CALCR: variants seen among roughly 807,000 people sequenced by gnomAD.
The protein encoded by CALCR is calcitonin receptor.
A neutral mutation model predicts 59.5 loss-of-function variants in CALCR; 47 were observed. That is an observed-to-expected ratio of 0.79 (90% CI 0.63 to 1.01). The LOEUF (loss-of-function observed/expected upper bound fraction) is 1.01, where lower values mean the gene tolerates loss of function less well. CALCR is among the 50% of genes least tolerant of loss of function. The pLI, the probability that CALCR is intolerant of heterozygous loss-of-function variation, is 0.00. For missense variants in CALCR, 566 were observed against 597.1 expected (o/e 0.95, Z 0.54); for synonymous variants, 213 against 211.3 (o/e 1.01, Z -0.07).
intron 7 of CALCR, among the ~76,000 whole-genome samples, chr7:93,466,646 A>G (rs986391337): frequency 4.0e-5 from 6 of 151,844 alleles, no homozygotes; most frequent in Non-Finnish European, 8.8e-5. Context: ...TGATAAATCA[A>G]TAAGACTTGT....
chr7:93,482,723 T>G (rs773550797), intron 3 of CALCR: 1 of 516,122 alleles, frequency 1.9e-6, no homozygotes, highest in East Asian at 5.6e-5. Flanking sequence ...TACGACAATC[T>G]GTATACGAGT....
intron 3 of CALCR, chr7:93,483,963 T>C (rs1800864498): frequency 1.9e-6 from 1 of 519,268 alleles, no homozygotes; most frequent in African/African-American, 1.9e-5. Flanking sequence ...GTATATGTGA[T>C]GTCACTCCTA....
intron 8 of CALCR, among the ~76,000 whole-genome samples, chr7:93,458,114 C>T (rs1430351119): frequency 1.3e-5 from 2 of 152,098 alleles, no homozygotes; most frequent in Non-Finnish European, 2.9e-5. Flanking sequence ...CACTTGGTCC[C>T]ATTATTCTGC....
At chr7:93,449,300 T>C (rs1046987201) in intron 8 of CALCR, among the ~76,000 whole-genome samples, 3 of 151,936 alleles carry the variant, frequency 2.0e-5, no homozygotes, top group Admixed American at 6.6e-5. Flanking sequence ...AATCAATAAG[T>C]CAATTTCTAA....
chr7:93,490,298 A>AAATC (rs1801045520), intron 2 of CALCR, among the ~76,000 whole-genome samples: 1 of 151,962 alleles, frequency 6.6e-6, no homozygotes, highest in African/African-American at 2.4e-5. Flanking sequence ...AGCCAATATC[A>AAATC]CATTGAATGG....
chr7:93,513,304 A>G (rs1388434296), intron 2 of CALCR, among the ~76,000 whole-genome samples: 1 of 152,214 alleles, frequency 6.6e-6, no homozygotes, highest in Admixed American at 6.6e-5. Flanking sequence ...TATGTAATAA[A>G]TGTTTTAAAT....
intron 2 of CALCR, among the ~76,000 whole-genome samples, chr7:93,492,211 CAG>C (rs1801095515): frequency 6.6e-6 from 1 of 151,424 alleles, no homozygotes; most frequent in Non-Finnish European, 1.5e-5. Flanking sequence ...CACATGAACA[CAG>C]AGAGGGGAAC....
intron 2 of CALCR, among the ~76,000 whole-genome samples, chr7:93,545,285 T>C (rs1465296416): frequency 6.6e-6 from 1 of 152,094 alleles, no homozygotes; most frequent in African/African-American, 2.4e-5. Context: ...AAAAATCCTG[T>C]CCTCTGGCTG....
rs761921361 is a variant in CALCR, at chr7:93,460,835, C to T, written c.634G>A (p.Val212Met). The change falls in exon 8 of 14, where the codon GTG (valine) becomes ATG (methionine). Residue 212 changes from valine to methionine, a missense_variant. Val to Met is a conservative substitution (Grantham distance 21, BLOSUM62 1). Coordinates refer to ENST00000426151, the MANE Select transcript of CALCR (RefSeq NM_001742.4). ...GCAGTACTTACCGGGTCCCTTCGCA[C>T]GAGCTCTCCATTGGGTACTACTTCA... ...LVEVVPNGEL[V>M]RRDPVSCKIL... 1.3e-5 allele frequency: 21 copies of T among 1,607,448 alleles called. No individual in the cohort carries two copies. The highest frequency in any genetic ancestry group is 4.5e-5 in the East Asian group (2 of 44,652).
At chr7:93,495,782 C>G (rs1210875694) in intron 2 of CALCR, 5 of 852,370 alleles carry the variant, frequency 5.9e-6, no homozygotes, top group Non-Finnish European at 9.2e-6. Flanking sequence ...CAATGTGGAG[C>G]CTAAAAATCT....
At chr7:93,462,956 T>C (rs992651598) in intron 7 of CALCR, among the ~76,000 whole-genome samples, 4 of 152,012 alleles carry the variant, frequency 2.6e-5, no homozygotes, top group African/African-American at 9.7e-5. Context: ...ATTTATTTTA[T>C]ACATCTAGAA....
intron 2 of CALCR, among the ~76,000 whole-genome samples, chr7:93,496,517 TC>T (rs1801206972): frequency 2.0e-5 from 3 of 151,506 alleles, no homozygotes; most frequent in Admixed American, 6.6e-5. Flanking sequence ...TTTCTCTCTT[TC>T]CCCTTCATGA....
chr7:93,461,734 A>G (rs957289153), intron 7 of CALCR, among the ~76,000 whole-genome samples: 2 of 152,142 alleles, frequency 1.3e-5, no homozygotes, highest in Non-Finnish European at 2.9e-5. Context: ...AAAGTTGTAC[A>G]TATGTGTTGG....
Position 93,448,466 on chromosome 7 carries a change from C to T in CALCR, c.649-4709G>A, listed in dbSNP as rs75623753. ...TTCAAAACAGTGGCTAAGTTTGATG[C>T]AGTAACTGTGCTTGCATTTTTGTGT... On this transcript the variant is annotated intron_variant, in intron 8 of 13. Coordinates refer to ENST00000426151, the MANE Select transcript of CALCR (RefSeq NM_001742.4). 7.2e-3 allele frequency among the ~76,000 whole-genome samples: 1,090 copies of T among 152,068 alleles called. 20 individuals are homozygous for T. Among genetic ancestry groups the T allele is most frequent in the African/African-American group, 0.024 (1,011 of 41,530 alleles).
At chr7:93,482,821 T>C in intron 3 of CALCR, 1 of 533,670 alleles carries the variant, frequency 1.9e-6, no homozygotes, top group Non-Finnish European at 3.9e-6. Context: ...TTGAAGCTGG[T>C]TCAGTAGAGA....
At chr7:93,440,906 T>C (rs1799887472) in intron 9 of CALCR, among the ~76,000 whole-genome samples, 1 of 152,178 alleles carries the variant, frequency 6.6e-6, no homozygotes, top group Non-Finnish European at 1.5e-5. Flanking sequence ...GGGATTCTAC[T>C]TGAATCATTC....
rs191667649 is a variant in CALCR, at chr7:93,441,757, G to A, written c.802+1847C>T. Among the ~76,000 whole-genome samples, 104 of 152,134 alleles carry A rather than the reference G, an allele frequency of 6.8e-4. 1 individual carries two copies. Among genetic ancestry groups the A allele is most frequent in the African/African-American group, 2.4e-3 (100 of 41,530 alleles). ...GCAGCCATGCAGATGAGGTGATCTG[G>A]TGAATATCCTAGACAGCCTGTACAG... On this transcript the variant is annotated intron_variant, in intron 9 of 13. Coordinates refer to ENST00000426151, the MANE Select transcript of CALCR (RefSeq NM_001742.4).
intron 2 of CALCR, among the ~76,000 whole-genome samples, chr7:93,522,023 A>G (rs867618882): frequency 1.3e-5 from 2 of 152,168 alleles, no homozygotes; most frequent in Non-Finnish European, 2.9e-5. Context: ...TTTTTTGAAC[A>G]ATAGTTCAAA....
chr7:93,433,715 T>A (rs919550724), intron 13 of CALCR, among the ~76,000 whole-genome samples: 23 of 152,224 alleles, frequency 1.5e-4, no homozygotes, highest in African/African-American at 5.3e-4. Context: ...AAAAACACCC[T>A]GAGAACAGAA....
Sources: gnomAD v4.1 joint callset for allele counts (sites outside exome capture counted in the v4.1 genomes callset) on GRCh38, gnomAD v4.1.1 for gene constraint, MANE v1.5 for transcripts, NCBI Gene and HGNC (gene_info 2026-07-23, HGNC 2026-07-21) for gene names.